Variants in ZNF804A observed in about 807,000 individuals in gnomAD.
ZNF804A encodes the protein zinc finger protein 804A.
In ZNF804A, 2 loss-of-function variants were observed where a neutral mutation model predicts 16.5. That is an observed-to-expected ratio of 0.12 (90% CI 0.05 to 0.38). ZNF804A has a LOEUF of 0.38. Among genes scored for constraint, ZNF804A ranks in the 10% least tolerant of loss-of-function variants. The pLI is 0.99. For missense variants in ZNF804A, 1,473 were observed against 1,390.7 expected (o/e 1.06, Z -0.94); for synonymous variants, 534 against 489.6 (o/e 1.09, Z -1.20).
chr2:184,681,058 G>A (rs557405209), intron 1 of ZNF804A, among the ~76,000 whole-genome samples: 16 of 152,320 alleles, frequency 1.1e-4, no homozygotes, highest in East Asian at 5.8e-4. Context: ...ACGCTCACTC[G>A]CTCACATACC....
At chr2:184,759,631 T>C (rs1202185345) in intron 1 of ZNF804A, among the ~76,000 whole-genome samples, 7 of 152,122 alleles carry the variant, frequency 4.6e-5, no homozygotes, top group Non-Finnish European at 1.0e-4. Flanking sequence ...AATGATATTA[T>C]TGTCAGGCCT....
rs143992004 is a variant in ZNF804A at position 184,735,060 on chromosome 2, G to A, written c.112-131309G>A. Among the ~76,000 whole-genome samples the A allele has an allele frequency of 9.1e-3, 1,382 of 152,100 alleles. 22 individuals carry two copies. Among genetic ancestry groups the A allele is most frequent in the African/African-American group, 0.032 (1,320 of 41,486 alleles). Reference sequence around the variant, plus strand: ...ATCAATACAGGTCTTTATATTTAAAGTGTATTGCTTCTAGATAACATGTAG... The same window carrying A: ...ATCAATACAGGTCTTTATATTTAAAATGTATTGCTTCTAGATAACATGTAG... On this transcript the variant is annotated intron_variant, in intron 1 of 3. Coordinates refer to ENST00000302277, the MANE Select transcript of ZNF804A (RefSeq NM_194250.2).
At chr2:184,642,318 TACTC>T (rs1691807336) in intron 1 of ZNF804A, among the ~76,000 whole-genome samples, 1 of 152,164 alleles carries the variant, frequency 6.6e-6, no homozygotes, top group South Asian at 2.1e-4. Flanking sequence ...AAGTAGCAAT[TACTC>T]ACCATTTCTA....
At chr2:184,725,281 G>A (rs752646661) in intron 1 of ZNF804A, among the ~76,000 whole-genome samples, 9 of 151,478 alleles carry the variant, frequency 5.9e-5, no homozygotes, top group Non-Finnish European at 1.0e-4. Flanking sequence ...TTAATATAAC[G>A]GTTATGGTTT....
At chr2:184,770,543 T>C (rs1406612157) in intron 1 of ZNF804A, among the ~76,000 whole-genome samples, 1 of 132,422 alleles carries the variant, frequency 7.6e-6, no homozygotes, top group African/African-American at 4.3e-5. Flanking sequence ...ATTTATGTTC[T>C]TTATGAAACA....
At chr2:184,625,543 C>T (rs1376102792) in intron 1 of ZNF804A, among the ~76,000 whole-genome samples, 1 of 151,870 alleles carries the variant, frequency 6.6e-6, no homozygotes, top group African/African-American at 2.4e-5. Context: ...TAATGAACAA[C>T]AGAATATATG....
intron 1 of ZNF804A, among the ~76,000 whole-genome samples, chr2:184,718,106 G>A (rs113747911): frequency 0.14 from 21,224 of 152,222 alleles, 1,841 homozygotes; most frequent in South Asian, 0.2. Flanking sequence ...GGCTGGGGAG[G>A]CCTCATAATC....
chr2:184,742,149 C>A (rs963319263), intron 1 of ZNF804A, among the ~76,000 whole-genome samples: 1 of 151,794 alleles, frequency 6.6e-6, no homozygotes, highest in Non-Finnish European at 1.5e-5. Context: ...AGTAACCTTT[C>A]TTTTTAATCA....
intron 1 of ZNF804A, among the ~76,000 whole-genome samples, chr2:184,775,254 A>G (rs1289673937): frequency 2.0e-5 from 3 of 151,752 alleles, no homozygotes; most frequent in Admixed American, 6.6e-5. Context: ...CTCACTGGGA[A>G]CTTGTAGGTT....
intron 1 of ZNF804A, among the ~76,000 whole-genome samples, chr2:184,600,697 A>G (rs1691030872): frequency 6.6e-6 from 1 of 152,044 alleles, no homozygotes; most frequent in Non-Finnish European, 1.5e-5. Context: ...AGTGGGGTTT[A>G]TAGAAAAAAA....
At chr2:184,763,159 C>T (rs2105764338) in intron 1 of ZNF804A, among the ~76,000 whole-genome samples, 1 of 152,130 alleles carries the variant, frequency 6.6e-6, no homozygotes, top group East Asian at 1.9e-4. Context: ...TGAATCGTGT[C>T]CCCAAAAAGA....
intron 2 of ZNF804A, among the ~76,000 whole-genome samples, chr2:184,890,284 G>T (rs1043688781): frequency 4.6e-5 from 7 of 152,160 alleles, no homozygotes; most frequent in Non-Finnish European, 7.4e-5. Flanking sequence ...TTGATAAGAA[G>T]AAATGCTAGA....
intron 1 of ZNF804A, among the ~76,000 whole-genome samples, chr2:184,859,320 A>G (rs963312991): frequency 3.3e-5 from 5 of 151,608 alleles, no homozygotes; most frequent in Non-Finnish European, 5.9e-5. Flanking sequence ...CTCTGACTGT[A>G]TATTTTTAAA....
At chr2:184,769,356 A>G (rs969984454) in intron 1 of ZNF804A, among the ~76,000 whole-genome samples, 1 of 152,056 alleles carries the variant, frequency 6.6e-6, no homozygotes, top group Non-Finnish European at 1.5e-5. Context: ...CTGAGGACAT[A>G]CCTATGTATC....
intron 3 of ZNF804A, among the ~76,000 whole-genome samples, chr2:184,935,399 T>C (rs1017048825): frequency 2.6e-5 from 4 of 152,176 alleles, no homozygotes; most frequent in African/African-American, 9.6e-5. Context: ...ATATTTACCA[T>C]ATAGCATCAA....
intron 1 of ZNF804A, among the ~76,000 whole-genome samples, chr2:184,810,710 T>C (rs1333587735): frequency 6.6e-6 from 1 of 152,080 alleles, no homozygotes; most frequent in Non-Finnish European, 1.5e-5. Flanking sequence ...CAGGATGGTC[T>C]CGATCTCCTG....
chr2:184,754,210 G>A (rs892722067), intron 1 of ZNF804A, among the ~76,000 whole-genome samples: 2 of 151,814 alleles, frequency 1.3e-5, no homozygotes, highest in Non-Finnish European at 2.9e-5. Flanking sequence ...GCTAAACACT[G>A]GACGAAGACA....
At chr2:184,823,872 A>C (rs1488861946) in intron 1 of ZNF804A, among the ~76,000 whole-genome samples, 2 of 152,176 alleles carry the variant, frequency 1.3e-5, no homozygotes, top group Non-Finnish European at 2.9e-5. Flanking sequence ...TCCAGCAGGT[A>C]AGAAAAAATT....
At position 184,783,567 on chromosome 2, in the gene ZNF804A, A is replaced by G. The variant is rs1694405301; in HGVS notation, c.112-82802A>G. Among the ~76,000 whole-genome samples the G allele has an allele frequency of 2.0e-5, 3 of 151,914 alleles. No individual in the cohort carries two copies. The South Asian group carries it at 6.2e-4, about 31-fold the overall frequency. Reference sequence around the variant, plus strand: ...TTGGAAATGAGTCTCTTTCTGTCTCAGTCACTTTTCTCTGGCACTTCTTCT... The same window carrying G: ...TTGGAAATGAGTCTCTTTCTGTCTCGGTCACTTTTCTCTGGCACTTCTTCT... On this transcript the variant is annotated intron_variant, in intron 1 of 3. Coordinates refer to ENST00000302277, the MANE Select transcript of ZNF804A (RefSeq NM_194250.2).
Sources: allele counts gnomAD v4.1 joint callset (sites outside exome capture counted in the v4.1 genomes callset), GRCh38; gene constraint gnomAD v4.1.1; transcripts MANE v1.5; gene names NCBI Gene and HGNC (gene_info 2026-07-23, HGNC 2026-07-21).